The following CNTNAP1 variants were observed in gnomAD, a reference collection of about 807,000 sequenced individuals.
CNTNAP1 encodes the protein contactin associated protein 1, also known as contactin-associated protein 1.
CNTNAP1 carries 80 observed loss-of-function variants against 161.5 expected under a neutral mutation model. The ratio of observed to expected loss-of-function variants is 0.50; its 90% CI spans 0.41 to 0.60. The LOEUF (loss-of-function observed/expected upper bound fraction) is 0.60, where lower values mean the gene tolerates loss of function less well. Among genes scored for constraint, CNTNAP1 ranks in the 20% least tolerant of loss-of-function variants. The pLI, the probability that CNTNAP1 is intolerant of heterozygous loss-of-function variation, is 0.00. For missense variants in CNTNAP1, 1,464 were observed against 1,854.8 expected, an observed-to-expected ratio of 0.79 and a Z score of 3.87; for synonymous variants, 695 against 733.1, an observed-to-expected ratio of 0.95 and a Z score of 0.84.
intron 3 of CNTNAP1, 54 bp downstream of exon 3, chr17:42,684,283 C>G: frequency 6.5e-7 from 1 of 1,536,264 alleles, no homozygotes; most frequent in Non-Finnish European, 8.8e-7. Flanking sequence ...GCTCCAGGCT[C>G]TGGGCCGGGC....
chr17:42,698,532 T>A, intron 23 of CNTNAP1, 86 bp from the exon 24 acceptor site: 1 of 1,100,172 alleles, frequency 9.1e-7, no homozygotes, highest in Non-Finnish European at 1.3e-6. Flanking sequence ...TCTCAAAGAG[T>A]GCGTGTGTGT....
At position 42,687,430 on chromosome 17, in the gene CNTNAP1, C is replaced by T; in HGVS notation, c.1045-290C>T. 1.9e-6 allele frequency: 1 copy of T among 535,726 alleles called. No homozygotes were observed. The highest frequency in any genetic ancestry group is 2.4e-5 in the South Asian group (1 of 42,378). 33.2% of individuals were successfully genotyped at this position (535,726 alleles called of 1,614,324 possible). Reference sequence around the variant, plus strand: ...GTTGGGAAGCTGGCAGGAGCCAGGTCTGTGGTCCAAAATTGCCTCTCGATA... The same window carrying T: ...GTTGGGAAGCTGGCAGGAGCCAGGTTTGTGGTCCAAAATTGCCTCTCGATA... On this transcript the variant is annotated intron_variant, in intron 7 of 23. Coordinates refer to ENST00000264638, the MANE Select transcript of CNTNAP1 (RefSeq NM_003632.3). The surrounding 1 kb of genome is among the most constrained non-coding windows in gnomAD (Gnocchi z 4.7).
Position 42,686,938 on chromosome 17 carries a change from G to A in CNTNAP1, c.936G>A (p.Lys312=). Residue 312 remains lysine, a synonymous_variant, in exon 7 of 24, where the codon AAG becomes AAA. Transcript: ENST00000264638. ...GAGGTCTGGTGGGCGCCGCGCGGAA[G>A]AACCTGGCCTATCGGCATAACTTCC... ...FIGGLVGAAR[K]NLAYRHNFRG... 1 of 1,612,870 alleles carries A rather than the reference G, an allele frequency of 6.2e-7. No homozygotes were observed. Among genetic ancestry groups the A allele is most frequent in the Non-Finnish European group, 8.5e-7 (1 of 1,179,146 alleles).
intron 12 of CNTNAP1, among the ~76,000 whole-genome samples, 191 bp from the exon 13 acceptor site, chr17:42,690,548 T>A (rs1239901793): frequency 6.9e-6 from 1 of 145,724 alleles, no homozygotes; most frequent in African/African-American, 2.5e-5. Context: ...AAAAAGTATA[T>A]CCCAGCTTCC....
chr17:42,688,347 G>T, intron 8 of CNTNAP1, 115 bp from the exon 9 acceptor site: 1 of 1,381,258 alleles, frequency 7.2e-7, no homozygotes, highest in Non-Finnish European at 1.0e-6. Flanking sequence ...GTGTAATCAC[G>T]GGGGCACACA....
At chr17:42,689,076 C>A in intron 10 of CNTNAP1, 29 bp downstream of exon 10, 1 of 1,534,928 alleles carries the variant, frequency 6.5e-7, no homozygotes, top group Admixed American at 2.0e-5. Context: ...CAAGAGATGA[C>A]CCCTCCAAAG....
intron 11 of CNTNAP1, 50 bp downstream of exon 11, chr17:42,689,677 A>G (rs766229336): frequency 6.8e-7 from 1 of 1,463,912 alleles, no homozygotes; most frequent in Non-Finnish European, 9.6e-7. Context: ...AGGTCAATAG[A>G]AGGTTGCTGG....
At chr17:42,690,603 C>A (rs2053072280) in intron 12 of CNTNAP1, 136 bp from the exon 13 acceptor site, 4 of 785,340 alleles carry the variant, frequency 5.1e-6, no homozygotes, top group Non-Finnish European at 8.6e-6. Context: ...ATGCAGAGTG[C>A]CCAGGGCAGA....
At position 42,691,738 on chromosome 17, in the gene CNTNAP1, C is replaced by G; in HGVS notation, c.2345-68C>G. On this transcript the variant is annotated intron_variant, in intron 15 of 23. Transcript: ENST00000264638. The surrounding 1 kb of genome is among the most constrained non-coding windows in gnomAD (Gnocchi z 4.3). ...TTTGCCCAACCTTCCCTGCCCCCAA[C>G]CCCAGGTTCTCTTCCTCCTCCACCC... is the stretch of plus-strand genomic sequence containing the variant. The G allele has an allele frequency of 6.5e-7, 1 of 1,539,506 alleles. No homozygotes were observed. Among genetic ancestry groups the G allele is most frequent in the South Asian group, 1.2e-5 (1 of 86,782 alleles).
At position 42,689,379 on chromosome 17, in the gene CNTNAP1, C is replaced by T. The variant is rs2271028; in HGVS notation, c.1629-142C>T. 321,709 of 646,668 alleles carry T rather than the reference C, an allele frequency of 0.5. 81,747 individuals carry two copies. The highest frequency in any genetic ancestry group is 0.63 in the South Asian group (33,209 of 52,926). 40.1% of individuals were successfully genotyped at this position (646,668 alleles called of 1,614,324 possible). A position where few individuals can be genotyped will look rare whatever the true frequency, so the allele number is the denominator to read the frequency against. On this transcript the variant is annotated intron_variant, in intron 10 of 23. Transcript: ENST00000264638. ...GGACTGCCTAGTGCCCCTGCATCTG[C>T]GCTTATACCCGGCTGGCTAGGCGGG...
At chr17:42,694,150 C>T (rs964528763) in intron 18 of CNTNAP1, among the ~76,000 whole-genome samples, 4 of 151,470 alleles carry the variant, frequency 2.6e-5, no homozygotes, top group Non-Finnish European at 4.4e-5. Context: ...TGAGCCACCG[C>T]GTCTGGCCAA....
rs771093781 is a variant in CNTNAP1, at chr17:42,686,976, A to G, written c.974A>G (p.Glu325Gly). The G allele has an allele frequency of 4.3e-6, 7 of 1,613,912 alleles. No homozygotes were observed. The highest frequency in any genetic ancestry group is 5.9e-6 in the Non-Finnish European group (7 of 1,179,974). The change falls in exon 7 of 24, where the codon GAA becomes GGA. Residue 325 changes from glutamate to glycine, a missense_variant. Glu to Gly is a moderately conservative substitution (Grantham distance 98). Transcript: ENST00000264638. Reference protein sequence around the residue: ...AYRHNFRGCIENVIFNRVNIA... With the variant: ...AYRHNFRGCIGNVIFNRVNIA... ...CGGCATAACTTCCGCGGCTGCATAG[A>G]AAACGTAATCTTCAACCGCGTCAAC...
chr17:42,682,798 A>G lies in CNTNAP1; in HGVS notation c.-32A>G, dbSNP rs1567968353. 1 of 1,551,140 alleles carries G rather than the reference A, an allele frequency of 6.4e-7. No individual in the cohort carries two copies. Among genetic ancestry groups the G allele is most frequent in the South Asian group, 1.2e-5 (1 of 84,444 alleles). ...TCGAGCCCTAGCCGGAGCCGTTCACAGGGAGGCGGCTGCCGGGACCGTCAG... is the reference window on the plus strand; with the variant it reads ...TCGAGCCCTAGCCGGAGCCGTTCACGGGGAGGCGGCTGCCGGGACCGTCAG... On this transcript the variant is annotated 5_prime_UTR_variant, in exon 1 of 24. Coordinates refer to ENST00000264638, the MANE Select transcript of CNTNAP1 (RefSeq NM_003632.3).
intron 18 of CNTNAP1, among the ~76,000 whole-genome samples, chr17:42,694,162 A>G (rs765042835): frequency 3.8e-4 from 56 of 147,750 alleles, no homozygotes; most frequent in Non-Finnish European, 7.6e-4. Flanking sequence ...TCTGGCCAAA[A>G]TAATTTCTTT....
chr17:42,686,284 A>C, intron 6 of CNTNAP1, 143 bp downstream of exon 6: 1 of 814,976 alleles, frequency 1.2e-6, no homozygotes, highest in Non-Finnish European at 1.9e-6. Flanking sequence ...CATGCCTGTA[A>C]TCCCAGCACT....
intron 17 of CNTNAP1, 95 bp downstream of exon 17, chr17:42,692,815 G>A (rs2053106375): frequency 3.6e-6 from 4 of 1,121,710 alleles, no homozygotes; most frequent in Non-Finnish European, 5.0e-6. Flanking sequence ...TGTCTTAGGT[G>A]CCAGTCCCCT....
Position 42,695,520 on chromosome 17 carries a change from G to C in CNTNAP1, c.2993-1G>C. 3 of 1,600,218 alleles carry C rather than the reference G, an allele frequency of 1.9e-6. No individual in the cohort carries two copies. Among genetic ancestry groups the C allele is most frequent in the Non-Finnish European group, 2.6e-6 (3 of 1,170,598 alleles). Reference sequence around the variant, plus strand: ...CCTAACCTCCCTGCTTCTACCTGCAGATATTGGTGGTTTCTTTGAGCCGGG... The same window carrying C: ...CCTAACCTCCCTGCTTCTACCTGCACATATTGGTGGTTTCTTTGAGCCGGG... On this transcript the variant is annotated splice_acceptor_variant, in intron 18 of 23. Coordinates refer to ENST00000264638, the MANE Select transcript of CNTNAP1 (RefSeq NM_003632.3). LOFTEE classifies it high-confidence loss of function.
chr17:42,697,473 A>G, intron 21 of CNTNAP1, 81 bp from the exon 22 acceptor site: 1 of 1,607,934 alleles, frequency 6.2e-7, no homozygotes, highest in Non-Finnish European at 8.5e-7. Context: ...AGTGGGAAGG[A>G]TGAGTGGGAA....
intron 1 of CNTNAP1, chr17:42,683,299 C>T (rs2052961655): frequency 9.6e-7 from 1 of 1,042,062 alleles, no homozygotes; most frequent in Non-Finnish European, 1.2e-6. Context: ...GGGTTTGTGG[C>T]TGGGGCTGGG....
Sources: gnomAD v4.1 joint callset for allele counts (sites outside exome capture counted in the v4.1 genomes callset) on GRCh38, gnomAD v4.1.1 for gene constraint, Gnocchi (gnomAD v3.1) non-coding constraint, MANE v1.5 for transcripts, NCBI Gene and HGNC (gene_info 2026-07-23, HGNC 2026-07-21) for gene names.